ARMH3: variants seen among roughly 807,000 people sequenced by gnomAD.
ARMH3 encodes the protein armadillo like helical domain containing 3.
In ARMH3, 60 loss-of-function variants were observed where a neutral mutation model predicts 99.1. The observed-to-expected ratio is 0.61, with a 90% CI of 0.49 to 0.75. The LOEUF is 0.75. Ranked by LOEUF, ARMH3 falls within the 30% of genes least tolerant of loss-of-function variation. ARMH3 has a pLI of 0.00. For missense variants in ARMH3, 679 were observed against 843.1 expected (o/e 0.81, Z 2.41); for synonymous variants, 285 against 292.8 (o/e 0.97, Z 0.27).
chr10:101,896,343 A>G (rs1466602642), intron 23 of ARMH3, among the ~76,000 whole-genome samples: 6 of 152,220 alleles, frequency 3.9e-5, no homozygotes, highest in Non-Finnish European at 8.8e-5. Context: ...CAGCTACTTC[A>G]ATTTATAGGA....
rs201217057 is a variant in ARMH3 at position 101,855,548 on chromosome 10, TTTTA to T, written c.1861-5660_1861-5657del. Among the ~76,000 whole-genome samples, 716 of 151,004 alleles carry T rather than the reference TTTTA, an allele frequency of 4.7e-3. 1 individual carries two copies. The highest frequency in any genetic ancestry group is 7.1e-3 in the Admixed American group (108 of 15,196). On this transcript the variant is annotated intron_variant, in intron 24 of 25. Transcript: ENST00000370033. ...GATGGAGTGAGACCCCATCTCTATG[TTTTA>T]TTTATTTTTTTGAGACAAGATCTCA...
chr10:101,931,901 T>C (rs990655573), intron 23 of ARMH3, among the ~76,000 whole-genome samples: 4 of 152,048 alleles, frequency 2.6e-5, no homozygotes, highest in African/African-American at 9.7e-5. Flanking sequence ...AGCGAAAAAA[T>C]AGCTAAGTTA....
chr10:102,048,512 C>T (rs1204032211), intron 1 of ARMH3, among the ~76,000 whole-genome samples: 1 of 152,216 alleles, frequency 6.6e-6, no homozygotes, highest in Non-Finnish European at 1.5e-5. Flanking sequence ...CTGCAACCTC[C>T]GCTTCCTGGG....
chr10:101,994,412 C>G (rs544785224), intron 16 of ARMH3, among the ~76,000 whole-genome samples: 1 of 152,158 alleles, frequency 6.6e-6, no homozygotes, highest in Middle Eastern at 3.4e-3. Flanking sequence ...TGAGAGAGAT[C>G]TCTACTTCAT....
chr10:101,939,839 C>G (rs1844158073), intron 23 of ARMH3, 24 bp downstream of exon 23: 2 of 1,603,260 alleles, frequency 1.2e-6, no homozygotes, highest in African/African-American at 2.7e-5. Flanking sequence ...AGGAACTCTG[C>G]AAGAGATACT....
intron 23 of ARMH3, among the ~76,000 whole-genome samples, chr10:101,904,381 G>C (rs888705026): frequency 3.3e-5 from 5 of 152,022 alleles, no homozygotes; most frequent in Admixed American, 3.3e-4. Context: ...ATAAATGACA[G>C]CAACACAGCA....
chr10:101,917,368 A>C (rs1277278810), intron 23 of ARMH3, among the ~76,000 whole-genome samples: 1 of 152,210 alleles, frequency 6.6e-6, no homozygotes, highest in Non-Finnish European at 1.5e-5. Context: ...AACCTTTTGG[A>C]TCTGGATAGT....
intron 13 of ARMH3, among the ~76,000 whole-genome samples, chr10:102,007,710 G>A (rs1783560748): frequency 1.4e-5 from 2 of 147,652 alleles, no homozygotes; most frequent in African/African-American, 2.5e-5. Flanking sequence ...GCAGGCACCT[G>A]TAGTCCCAGC....
intron 15 of ARMH3, among the ~76,000 whole-genome samples, chr10:101,998,280 G>A (rs1847152784): frequency 6.6e-6 from 1 of 152,138 alleles, no homozygotes; most frequent in South Asian, 2.1e-4. Flanking sequence ...AAAGGAAGAG[G>A]TTACCATTTC....
In ARMH3 at chr10:102,012,883, G is replaced by A; in HGVS notation, c.727-7C>T. 1 of 1,605,104 alleles carries A rather than the reference G, an allele frequency of 6.2e-7. No homozygotes were observed. Among genetic ancestry groups the A allele is most frequent in the Non-Finnish European group, 8.5e-7 (1 of 1,174,920 alleles). On this transcript the variant is annotated splice_region_variant and splice_polypyrimidine_tract_variant and intron_variant, in intron 9 of 25. Coordinates refer to ENST00000370033, the MANE Select transcript of ARMH3 (RefSeq NM_024541.3). ...CAATTACAAGTCCCATTCCCTAGAA[G>A]GGAAAAGATAGCACAGGTGAAATAA... is the stretch of plus-strand genomic sequence containing the variant.
chr10:102,021,432 G>C (rs1180185862), intron 8 of ARMH3, among the ~76,000 whole-genome samples: 1 of 150,772 alleles, frequency 6.6e-6, no homozygotes, highest in African/African-American at 2.4e-5. Context: ...ACCCAGACTG[G>C]AGTGCAGTGG....
intron 1 of ARMH3, among the ~76,000 whole-genome samples, chr10:102,041,075 CATATATATATATATAATATATATAT>C (rs199540605): frequency 4.5e-5 from 6 of 132,006 alleles, no homozygotes; most frequent in Admixed American, 1.6e-4. Context: ...ATTGTGTGTA[CATATATATATATATAATATATATAT>C]ATATATATAT....
At chr10:101,906,156 T>C (rs949947943) in intron 23 of ARMH3, among the ~76,000 whole-genome samples, 6 of 152,242 alleles carry the variant, frequency 3.9e-5, no homozygotes, top group African/African-American at 7.2e-5. Flanking sequence ...TTCCTGTTCA[T>C]AGAAATGTAA....
intron 24 of ARMH3, among the ~76,000 whole-genome samples, chr10:101,881,642 A>G (rs1214781010): frequency 6.6e-6 from 1 of 152,172 alleles, no homozygotes; most frequent in Non-Finnish European, 1.5e-5. Flanking sequence ...CCAGGCCCCT[A>G]ATAAATGCTT....
intron 23 of ARMH3, among the ~76,000 whole-genome samples, chr10:101,893,404 C>A (rs1589977022): frequency 6.6e-6 from 1 of 150,910 alleles, no homozygotes; most frequent in East Asian, 1.9e-4. Flanking sequence ...TTTTTAAATT[C>A]CTGTCTCAAC....
intron 22 of ARMH3, among the ~76,000 whole-genome samples, chr10:101,940,672 A>G (rs1564774117): frequency 2.0e-5 from 3 of 152,048 alleles, no homozygotes; most frequent in Admixed American, 1.3e-4. Context: ...TCATTTTTCA[A>G]TTCCCACCTA....
chr10:101,878,115 C>T (rs967402923), intron 24 of ARMH3, among the ~76,000 whole-genome samples: 1 of 151,866 alleles, frequency 6.6e-6, no homozygotes, highest in Admixed American at 6.6e-5. Context: ...AAAAATTAGC[C>T]AGGTGTGGTA....
intron 2 of ARMH3, among the ~76,000 whole-genome samples, chr10:102,034,826 T>C (rs1359683683): frequency 6.6e-6 from 1 of 151,954 alleles, no homozygotes; most frequent in Non-Finnish European, 1.5e-5. Flanking sequence ...GAGAATCGCT[T>C]GAACCCAGGA....
chr10:101,856,557 C>T (rs1300528054), intron 24 of ARMH3, among the ~76,000 whole-genome samples: 2 of 151,108 alleles, frequency 1.3e-5, no homozygotes, highest in East Asian at 3.9e-4. Context: ...TGTCCAACTC[C>T]TAATCATAAA....
Sources: allele counts gnomAD v4.1 joint callset (sites outside exome capture counted in the v4.1 genomes callset), GRCh38; gene constraint gnomAD v4.1.1; transcripts MANE v1.5; gene names NCBI Gene and HGNC (gene_info 2026-07-23, HGNC 2026-07-21).